The following MACROD2 variants were observed in gnomAD, a reference collection of about 807,000 sequenced individuals.
MACROD2 encodes the protein mono-ADP ribosylhydrolase 2.
MACROD2 carries 36 observed loss-of-function variants against 70.4 expected under a neutral mutation model. That is an observed-to-expected ratio of 0.51 (90% CI 0.39 to 0.68). The LOEUF is 0.68. Among genes scored for constraint, MACROD2 ranks in the 30% least tolerant of loss-of-function variants. The pLI, the probability that MACROD2 is intolerant of heterozygous loss-of-function variation, is 0.00. For missense variants in MACROD2, 496 were observed against 538.4 expected, an observed-to-expected ratio of 0.92 and a Z score of 0.78; for synonymous variants, 172 against 178.8, an observed-to-expected ratio of 0.96 and a Z score of 0.30.
At chr20:14,685,526 C>A (rs967493711) in intron 5 of MACROD2, among the ~76,000 whole-genome samples, 7 of 152,114 alleles carry the variant, frequency 4.6e-5, no homozygotes, top group Non-Finnish European at 7.4e-5. Context: ...TCAAAATTTC[C>A]GTTATATTTT....
chr20:14,951,675 C>A (rs1286631800), intron 5 of MACROD2, among the ~76,000 whole-genome samples: 1 of 152,108 alleles, frequency 6.6e-6, no homozygotes, highest in African/African-American at 2.4e-5. Flanking sequence ...CAACCCACTT[C>A]TCCGTTGCAG....
rs1347306898 is a variant in MACROD2, at chr20:14,281,914, G to A, written c.271+196186G>A. ...CCCACCACAGCACTCCAGCCTTGGC[G>A]ACAGAGCAGACTCCCTCTCAAAAAA... On this transcript the variant is annotated intron_variant, in intron 3 of 17. Coordinates refer to ENST00000684519, the MANE Select transcript of MACROD2 (RefSeq NM_001351661.2). Among the ~76,000 whole-genome samples the A allele has an allele frequency of 1.8e-3, 219 of 119,310 alleles. 1 individual carries two copies. Among genetic ancestry groups the A allele is most frequent in the Admixed American group, 8.8e-3 (79 of 8,966 alleles). 78.3% of individuals were successfully genotyped at this position (119,310 alleles called of 152,430 possible).
At chr20:14,211,563 C>G (rs1405961533) in intron 3 of MACROD2, among the ~76,000 whole-genome samples, 1 of 152,150 alleles carries the variant, frequency 6.6e-6, no homozygotes, top group Non-Finnish European at 1.5e-5. Context: ...AGCTATGTGT[C>G]CAGGAGTCTG....
chr20:15,074,992 T>C (rs2075647434), intron 5 of MACROD2, among the ~76,000 whole-genome samples: 1 of 152,176 alleles, frequency 6.6e-6, no homozygotes, highest in South Asian at 2.1e-4. Flanking sequence ...ATAGAGTATT[T>C]AAATAAGTAA....
intron 8 of MACROD2, among the ~76,000 whole-genome samples, chr20:15,831,966 C>T (rs971075638): frequency 2.2e-4 from 34 of 152,214 alleles, no homozygotes; most frequent in African/African-American, 5.3e-4. Flanking sequence ...AATGTCACAC[C>T]GCTATCTCAA....
intron 8 of MACROD2, among the ~76,000 whole-genome samples, chr20:15,510,792 G>A (rs572997899): frequency 6.6e-6 from 1 of 152,222 alleles, no homozygotes. Flanking sequence ...AGGCTGTAAC[G>A]GTGAGCCCAG....
At chr20:15,959,592 C>T (rs771731532) in intron 12 of MACROD2, among the ~76,000 whole-genome samples, 8 of 152,152 alleles carry the variant, frequency 5.3e-5, no homozygotes, top group Admixed American at 2.6e-4. Context: ...TGCAGTGGCA[C>T]GATATTGGCT....
At chr20:14,107,471 G>C (rs927388501) in intron 3 of MACROD2, among the ~76,000 whole-genome samples, 2 of 152,118 alleles carry the variant, frequency 1.3e-5, no homozygotes, top group African/African-American at 4.8e-5. Context: ...AAGAGATGGG[G>C]TAGAAAGTGT....
At chr20:15,801,632 T>C (rs1453952057) in intron 8 of MACROD2, among the ~76,000 whole-genome samples, 1 of 152,184 alleles carries the variant, frequency 6.6e-6, no homozygotes, top group Non-Finnish European at 1.5e-5. Flanking sequence ...AGTGAGATTG[T>C]ATGATGCCTC....
At chr20:14,760,732 T>C (rs759814315) in intron 5 of MACROD2, among the ~76,000 whole-genome samples, 12 of 152,122 alleles carry the variant, frequency 7.9e-5, no homozygotes, top group Admixed American at 2.6e-4. Flanking sequence ...CTTTAATTAC[T>C]CTGCCTCCAT....
chr20:14,226,784 C>T (rs2081740127), intron 3 of MACROD2, among the ~76,000 whole-genome samples: 1 of 152,262 alleles, frequency 6.6e-6, no homozygotes, highest in Non-Finnish European at 1.5e-5. Context: ...ATGCCTGAGC[C>T]TCCCACCCAC....
chr20:14,038,315 G>T (rs1435446615), intron 2 of MACROD2, among the ~76,000 whole-genome samples: 1 of 151,740 alleles, frequency 6.6e-6, no homozygotes, highest in Non-Finnish European at 1.5e-5. Context: ...AAAAGATTCT[G>T]TGTATTAGAC....
At chr20:15,425,208 C>T (rs1212762950) in intron 6 of MACROD2, among the ~76,000 whole-genome samples, 1 of 152,192 alleles carries the variant, frequency 6.6e-6, no homozygotes, top group Non-Finnish European at 1.5e-5. Flanking sequence ...TTCATAAGTA[C>T]TGGATCCTGA....
intron 6 of MACROD2, among the ~76,000 whole-genome samples, chr20:15,255,713 T>A (rs1048853278): frequency 6.6e-6 from 1 of 152,150 alleles, no homozygotes; most frequent in African/African-American, 2.4e-5. Flanking sequence ...AGCACGTATT[T>A]CTTTGAGTAA....
intron 5 of MACROD2, chr20:15,196,979 A>G (rs199308): frequency 0.17 from 168,479 of 984,538 alleles, 15,227 homozygotes; most frequent in African/African-American, 0.31. Context: ...TCCAAAGAGC[A>G]CATTTTTTGG....
intron 8 of MACROD2, among the ~76,000 whole-genome samples, chr20:15,737,353 AGAT>A (rs1169707904): frequency 2.0e-5 from 3 of 152,220 alleles, no homozygotes; most frequent in Admixed American, 1.3e-4. Flanking sequence ...ACCTAAAAGA[AGAT>A]GAGTTTTCTA....
intron 5 of MACROD2, among the ~76,000 whole-genome samples, chr20:15,090,659 C>G (rs2075786145): frequency 1.3e-5 from 2 of 152,024 alleles, no homozygotes; most frequent in African/African-American, 4.8e-5. Context: ...AGTGGGCAAA[C>G]TCAGGAGAGC....
At chr20:14,882,104 A>C (rs909666467) in intron 5 of MACROD2, among the ~76,000 whole-genome samples, 1 of 152,224 alleles carries the variant, frequency 6.6e-6, no homozygotes, top group Non-Finnish European at 1.5e-5. Flanking sequence ...TAAGGAGTCA[A>C]GCTCAGGCAG....
At chr20:15,150,797 G>A (rs748703335) in intron 5 of MACROD2, among the ~76,000 whole-genome samples, 9 of 151,934 alleles carry the variant, frequency 5.9e-5, no homozygotes, top group Admixed American at 1.3e-4. Context: ...AAGTGTCTCG[G>A]CCTAATAAGG....
Sources: allele counts gnomAD v4.1 joint callset (sites outside exome capture counted in the v4.1 genomes callset), GRCh38; gene constraint gnomAD v4.1.1; transcripts MANE v1.5; gene names NCBI Gene and HGNC (gene_info 2026-07-23, HGNC 2026-07-21).